LTF: variants seen among roughly 807,000 people sequenced by gnomAD.
LTF encodes lactotransferrin, also known as epididymis luminal protein 110.
In LTF, 91 loss-of-function variants were observed where a neutral mutation model predicts 87.2. The ratio of observed to expected loss-of-function variants is 1.04; its 90% CI spans 0.88 to 1.24. LTF has a LOEUF of 1.24. Ranked by LOEUF, LTF falls within the 50% of genes most tolerant of loss-of-function variation. The pLI, the probability that LTF is intolerant of heterozygous loss-of-function variation, is 0.00. For missense variants in LTF, 901 were observed against 904.3 expected (o/e 1.00, Z 0.05); for synonymous variants, 378 against 356.1 (o/e 1.06, Z -0.69).
chr3:46,448,899 C>A lies in LTF; in HGVS notation c.1176G>T (p.Ser392=). The A allele has an allele frequency of 6.2e-7, 1 of 1,613,634 alleles. No homozygotes were observed. Among genetic ancestry groups the A allele is most frequent in the African/African-American group, 1.3e-5 (1 of 75,018 alleles). Residue 392 remains serine, a synonymous_variant, in exon 9 of 17, where the codon TCG becomes TCT. Transcript: ENST00000231751. ...GLSEGSVTCS[S]ASTTEDCIAL... ...CGATGCAGTCCTCTGTGGTGGAGGCCGAGGAGCAGGTCACGCTGCCTTCGC... is the reference window on the plus strand; with the variant it reads ...CGATGCAGTCCTCTGTGGTGGAGGCAGAGGAGCAGGTCACGCTGCCTTCGC...
At chr3:46,483,145 T>C (rs964502755) in intron 1 of LTF, among the ~76,000 whole-genome samples, 1 of 152,060 alleles carries the variant, frequency 6.6e-6, no homozygotes, top group African/African-American at 2.4e-5. Context: ...TAGGCTGAAA[T>C]AACCTCAAGA....
chr3:46,478,708 T>C (rs1040887326), intron 1 of LTF, among the ~76,000 whole-genome samples: 1 of 152,176 alleles, frequency 6.6e-6, no homozygotes, highest in African/African-American at 2.4e-5. Flanking sequence ...CAGAACCTGA[T>C]GGCTATTTGG....
At chr3:46,446,597 T>A in intron 10 of LTF, 104 bp from the exon 11 acceptor site, 1 of 919,118 alleles carries the variant, frequency 1.1e-6, no homozygotes. Flanking sequence ...AAAGAGACCG[T>A]CCCAGCAGTT....
At chr3:46,453,847 G>A (rs867994067) in intron 6 of LTF, among the ~76,000 whole-genome samples, 4 of 152,298 alleles carry the variant, frequency 2.6e-5, no homozygotes, top group Non-Finnish European at 5.9e-5. Context: ...AGAAGTAAAA[G>A]GTGGATGTAT....
At chr3:46,438,309 C>A (rs1180569477) in intron 15 of LTF, among the ~76,000 whole-genome samples, 180 bp from the exon 16 acceptor site, 2 of 152,188 alleles carry the variant, frequency 1.3e-5, no homozygotes, top group Non-Finnish European at 2.9e-5. Context: ...CTCCTGGTGG[C>A]AGGCCCGCCT....
At chr3:46,440,326 T>C (rs1575304734) in intron 14 of LTF, among the ~76,000 whole-genome samples, 1 of 152,216 alleles carries the variant, frequency 6.6e-6, no homozygotes, top group African/African-American at 2.4e-5. Flanking sequence ...TCAAATGCTA[T>C]TAGTGTAACC....
upstream of LTF, chr3:46,465,304 G>C (rs115201355): frequency 7.8e-3 from 1,448 of 185,328 alleles, 31 homozygotes; most frequent in African/African-American, 0.032. Flanking sequence ...AGGTGCCTAG[G>C]AGCCAGTTAG....
In LTF at chr3:46,463,789, C is replaced by T. The variant is rs530256590; in HGVS notation, c.43+1036G>A. On this transcript the variant is annotated intron_variant, in intron 1 of 16. Coordinates refer to ENST00000231751, the MANE Select transcript of LTF (RefSeq NM_002343.6). ...GGGAGCTTGAGGGGAAGAGAACAGT[C>T]GGGTCCTGGCCAGTCCCAATCTGTC... The T allele has an allele frequency of 4.2e-5, 10 of 238,084 alleles. No individual in the cohort carries two copies. The South Asian group carries it at 6.2e-4, about 15-fold the overall frequency. 14.7% of individuals were successfully genotyped at this position (238,084 alleles called of 1,614,324 possible). A position where few individuals can be genotyped will look rare whatever the true frequency, so the allele number is the denominator to read the frequency against.
intron 14 of LTF, among the ~76,000 whole-genome samples, chr3:46,441,068 G>C (rs1702504389): frequency 6.6e-6 from 1 of 152,140 alleles, no homozygotes; most frequent in South Asian, 2.1e-4. Context: ...GTTTCCAATA[G>C]GCATGCATGA....
chr3:46,474,439 C>T (rs932942802), intron 1 of LTF, among the ~76,000 whole-genome samples: 3 of 152,236 alleles, frequency 2.0e-5, no homozygotes, highest in Middle Eastern at 3.4e-3. Flanking sequence ...CATCAAAAAG[C>T]AGAGCTGCAA....
In LTF at chr3:46,455,317, A is replaced by C; in HGVS notation, c.625T>G (p.Phe209Val). 1 of 1,614,246 alleles carries C rather than the reference A, an allele frequency of 6.2e-7. No homozygotes were observed. The highest frequency in any genetic ancestry group is 1.1e-5 in the South Asian group (1 of 91,092). ...KCAFSSQEPY[F>V]SYSGAFKCLR... The stretch of plus-strand genomic sequence containing the variant: ...CACTTGAAGGCACCAGAGTAGCTGA[A>C]GTACGGTTCCTGGGAGGAGAAGGCA... Residue 209 changes from phenylalanine to valine, a missense_variant, in exon 5 of 17, where the codon TTC becomes GTC. Phe to Val is a conservative substitution (Grantham distance 50). Transcript: ENST00000231751.
chr3:46,483,641 A>G (rs1703480325), intron 1 of LTF, among the ~76,000 whole-genome samples: 1 of 152,176 alleles, frequency 6.6e-6, no homozygotes, highest in South Asian at 2.1e-4. Flanking sequence ...AGTGATTAAT[A>G]GGAGCAAGAG....
chr3:46,480,479 G>A (rs1703418327), intron 1 of LTF, among the ~76,000 whole-genome samples: 1 of 152,140 alleles, frequency 6.6e-6, no homozygotes, highest in Non-Finnish European at 1.5e-5. Flanking sequence ...CATGCACGTT[G>A]GTTCCTTCCT....
intron 1 of LTF, among the ~76,000 whole-genome samples, chr3:46,482,251 T>C (rs551532399): frequency 6.6e-6 from 1 of 151,798 alleles, no homozygotes; most frequent in South Asian, 2.1e-4. Context: ...AGCCCAGGAG[T>C]TGGAGACCAG....
chr3:46,484,186 C>G (rs575049096), intron 1 of LTF, among the ~76,000 whole-genome samples: 1 of 152,228 alleles, frequency 6.6e-6, no homozygotes, highest in African/African-American at 2.4e-5. Flanking sequence ...CATGGAAATT[C>G]GTAAATGGAC....
chr3:46,456,483 A>G (rs950147605), intron 2 of LTF, 85 bp from the exon 3 acceptor site: 1 of 1,092,104 alleles, frequency 9.2e-7, no homozygotes, highest in African/African-American at 1.6e-5. Flanking sequence ...AAAAGTCTCC[A>G]TGGCTGGAAG....
intron 1 of LTF, chr3:46,463,556 C>A (rs945772092): frequency 5.1e-6 from 5 of 985,414 alleles, no homozygotes; most frequent in Admixed American, 1.2e-4. Context: ...GGGGTACAAG[C>A]CACCATCCCA....
In LTF at chr3:46,438,098, G is replaced by T. The variant is rs200322960; in HGVS notation, c.1940C>A (p.Pro647Gln). The T allele has an allele frequency of 3.1e-6, 5 of 1,613,696 alleles. No individual in the cohort carries two copies. The highest frequency in any genetic ancestry group is 1.1e-5 in the South Asian group (1 of 91,010). ...AGACTGGAATAAGCAAAACTTGTCC[G>T]GGCAGTCAGATCCATTTCTCCCAAA... ...AKFGRNGSDC[P>Q]DKFCLFQSET... The change falls in exon 16 of 17, where the codon CCG becomes CAG. Residue 647 changes from proline to glutamine, a missense_variant. Coordinates refer to ENST00000231751, the MANE Select transcript of LTF (RefSeq NM_002343.6).
chr3:46,441,466 G>C lies in LTF; in HGVS notation c.1673C>G (p.Ala558Gly). Residue 558 changes from alanine (A) to glycine (G), a missense_variant, in exon 14 of 17, where the codon GCT becomes GGT. Transcript: ENST00000231751. ...TGAFRCLAEN[A>G]GDVAFVKDVT... ...ATCTTTCACAAATGCAACGTCTCCA[G>C]CATTCTCAGCCAGGCACCTAAAATG... The C allele has an allele frequency of 1.9e-6, 3 of 1,613,458 alleles. No individual in the cohort carries two copies. The highest frequency in any genetic ancestry group is 2.5e-6 in the Non-Finnish European group (3 of 1,179,626).
Sources: allele counts gnomAD v4.1 joint callset (sites outside exome capture counted in the v4.1 genomes callset), GRCh38; gene constraint gnomAD v4.1.1; transcripts MANE v1.5; gene names NCBI Gene and HGNC (gene_info 2026-07-23, HGNC 2026-07-21).